B3GAT2: variants seen among roughly 807,000 people sequenced by gnomAD.
B3GAT2 encodes the protein galactosylgalactosylxylosylprotein 3-beta-glucuronosyltransferase 2.
B3GAT2 carries 26 observed loss-of-function variants against 27.8 expected under a neutral mutation model. The ratio of observed to expected loss-of-function variants is 0.93; its 90% CI spans 0.68 to 1.30. The LOEUF (loss-of-function observed/expected upper bound fraction) is 1.30. Ranked by LOEUF, B3GAT2 falls within the 50% of genes most tolerant of loss-of-function variation. B3GAT2 has a pLI of 0.00. For synonymous variants in B3GAT2, 218 were observed against 195.1 expected, an observed-to-expected ratio of 1.12 and a Z score of -0.98; for missense variants, 458 against 459.0, an observed-to-expected ratio of 1.00 and a Z score of 0.02.
chr6:70,956,206 G>A lies in B3GAT2; in HGVS notation c.224C>T (p.Pro75Leu), dbSNP rs763680241. Reference protein sequence around the residue: ...KRNQSRPQPQPEPQLPTIYAI... With the variant: ...KRNQSRPQPQLEPQLPTIYAI... ...ATAGATGGTGGGCAGCTGCGGCTCC[G>A]GCTGTGGCTGCGGCCGAGACTGGTT... Residue 75 changes from proline (P) to leucine (L), a missense_variant, in exon 1 of 4, where the codon CCG becomes CTG. Coordinates refer to ENST00000230053, the MANE Select transcript of B3GAT2 (RefSeq NM_080742.3). 2 of 1,612,134 alleles carry A rather than the reference G, an allele frequency of 1.2e-6. No homozygotes were observed. The highest frequency in any genetic ancestry group is 1.3e-5 in the African/African-American group (1 of 74,888).
intron 1 of B3GAT2, among the ~76,000 whole-genome samples, chr6:70,924,613 T>A (rs887650142): frequency 1.3e-5 from 2 of 152,116 alleles, no homozygotes; most frequent in Non-Finnish European, 2.9e-5. Context: ...GCAACCACCC[T>A]TGCAAAACTT....
rs112339171 is a variant in B3GAT2 at position 70,911,035 on chromosome 6, T to C, written c.592-16763A>G. On this transcript the variant is annotated intron_variant, in intron 1 of 3. Transcript: ENST00000230053. ...TTAAAAATTTTTTTTTCTTGTAAAC[T>C]TGTTTAAGTTCCTTATAGATTCTGG... is the stretch of plus-strand genomic sequence containing the variant. Among the ~76,000 whole-genome samples the C allele has an allele frequency of 9.3e-3, 1,418 of 152,268 alleles. 11 individuals carry two copies. The highest frequency in any genetic ancestry group is 0.048 in the Middle Eastern group (14 of 294).
At chr6:70,936,451 T>G (rs1413798717) in intron 1 of B3GAT2, among the ~76,000 whole-genome samples, 4 of 151,282 alleles carry the variant, frequency 2.6e-5, no homozygotes, top group Non-Finnish European at 5.9e-5. Flanking sequence ...AGAAAATACA[T>G]TTTTTTCAGC....
rs746065685 is a variant in B3GAT2, at chr6:70,857,902, A to ATTTTC, written c.*3756_*3760dup. The ATTTTC allele has an allele frequency of 9.3e-6, 15 of 1,610,366 alleles. No individual in the cohort carries two copies. In the Admixed American group the frequency reaches 1.0e-4, roughly 11 times the overall value. On this transcript the variant is annotated 3_prime_UTR_variant, in exon 4 of 4. Transcript: ENST00000230053. ...ACACGTGATAGCTCTGTCTTCATTC[A>ATTTTC]TTTTCTTTTTGTGGTGCAGGTGTAT...
At position 70,860,350 on chromosome 6, in the gene B3GAT2, T is replaced by G; in HGVS notation, c.*1313A>C. The stretch of plus-strand genomic sequence containing the variant: ...GTGGAAATGAAAACTGCAATACAAG[T>G]TTCATCCAGAACTACCACCTGACAT... On this transcript the variant is annotated 3_prime_UTR_variant, in exon 4 of 4. Transcript: ENST00000230053. The G allele has an allele frequency of 1.3e-6, 2 of 1,599,276 alleles. No individual in the cohort carries two copies. The highest frequency in any genetic ancestry group is 1.7e-6 in the Non-Finnish European group (2 of 1,173,498).
At position 70,956,531 on chromosome 6, in the gene B3GAT2, G is replaced by A; in HGVS notation, c.-102C>T. ...GCGGCGCCAGCACTTAGGGAGTGGT[G>A]ATGGGTGCGCTGTCCATGGGGCCGA... On this transcript the variant is annotated 5_prime_UTR_variant, in exon 1 of 4. Transcript: ENST00000230053. 6.6e-7 allele frequency: 1 copy of A among 1,520,890 alleles called. No individual in the cohort carries two copies. Among genetic ancestry groups the A allele is most frequent in the East Asian group, 2.4e-5 (1 of 40,824 alleles). 94.2% of individuals were successfully genotyped at this position (1,520,890 alleles called of 1,614,324 possible).
At chr6:70,906,015 G>A (rs1336239582) in intron 1 of B3GAT2, among the ~76,000 whole-genome samples, 2 of 151,922 alleles carry the variant, frequency 1.3e-5, no homozygotes, top group African/African-American at 4.8e-5. Context: ...CTACAGGAAT[G>A]GTTGCCTTGG....
At chr6:70,890,697 G>A (rs2150030241) in intron 2 of B3GAT2, among the ~76,000 whole-genome samples, 1 of 152,320 alleles carries the variant, frequency 6.6e-6, no homozygotes, top group East Asian at 1.9e-4. Flanking sequence ...TGTGAAATAA[G>A]GGCAGTCTTG....
chr6:70,946,319 C>CT (rs1765482869), intron 1 of B3GAT2, among the ~76,000 whole-genome samples: 1 of 152,024 alleles, frequency 6.6e-6, no homozygotes, highest in South Asian at 2.1e-4. Flanking sequence ...CATCAGTGTG[C>CT]TGTATTCAGG....
Position 70,858,501 on chromosome 6 carries a change from C to T in B3GAT2, c.*3162G>A. The T allele has an allele frequency of 3.6e-6, 1 of 280,510 alleles. No homozygotes were observed. Among genetic ancestry groups the T allele is most frequent in the Non-Finnish European group, 6.6e-6 (1 of 150,612 alleles). 17.4% of individuals were successfully genotyped at this position (280,510 alleles called of 1,614,324 possible). A position where few individuals can be genotyped will look rare whatever the true frequency, so the allele number is the denominator to read the frequency against. The stretch of plus-strand genomic sequence containing the variant: ...AATTGTAATGTAACTGTAACGTGAA[C>T]ACCACTAATGGCCAGAAATTATCTC... On this transcript the variant is annotated 3_prime_UTR_variant, in exon 4 of 4. Transcript: ENST00000230053.
At chr6:70,882,876 T>G (rs1440394141) in intron 2 of B3GAT2, among the ~76,000 whole-genome samples, 1 of 152,084 alleles carries the variant, frequency 6.6e-6, no homozygotes, top group Non-Finnish European at 1.5e-5. Context: ...TGTGAGAAAA[T>G]CCATTTCTGT....
Position 70,870,768 on chromosome 6 carries a change from A to G in B3GAT2, c.737-8790T>C, listed in dbSNP as rs1413646353. On this transcript the variant is annotated intron_variant, in intron 2 of 3. Coordinates refer to ENST00000230053, the MANE Select transcript of B3GAT2 (RefSeq NM_080742.3). ...ACAATCTGGATGCCTTTTATAAGCT[A>G]TAGTGCAATGGTGTATACAAATGGG... Among the ~76,000 whole-genome samples, 6 of 152,276 alleles carry G rather than the reference A, an allele frequency of 3.9e-5. No homozygotes were observed. In the East Asian group the frequency reaches 7.7e-4, roughly 20 times the overall value.
chr6:70,857,063 T>C lies in B3GAT2; in HGVS notation c.*4600A>G. On this transcript the variant is annotated 3_prime_UTR_variant, in exon 4 of 4. Coordinates refer to ENST00000230053, the MANE Select transcript of B3GAT2 (RefSeq NM_080742.3). ...ATTTTGATATCTGCTTTCAGTGACA[T>C]TACTAGAAGTACATCCTTTGTAATT... The C allele has an allele frequency of 6.4e-7, 1 of 1,558,780 alleles. No individual in the cohort carries two copies. The highest frequency in any genetic ancestry group is 8.7e-7 in the Non-Finnish European group (1 of 1,148,670).
In B3GAT2 at chr6:70,861,763, A is replaced by AAAT. The variant is rs1771741933; in HGVS notation, c.886-17_886-15dup. On this transcript the variant is annotated splice_polypyrimidine_tract_variant and intron_variant, in intron 3 of 3. Transcript: ENST00000230053. ...CCACACGAGAACCTGAAGGGGAAGG[A>AAAT]AATAGCTTGGGTAGCGCACTCTTCA... is the stretch of plus-strand genomic sequence containing the variant. 1.9e-6 allele frequency: 3 copies of AAAT among 1,614,030 alleles called. No homozygotes were observed. In the East Asian group the frequency reaches 6.7e-5, roughly 36 times the overall value.
chr6:70,886,585 G>C (rs1772190960), intron 2 of B3GAT2, among the ~76,000 whole-genome samples: 1 of 151,970 alleles, frequency 6.6e-6, no homozygotes. Flanking sequence ...CTTCAGCCCT[G>C]AAAGGCCTCT....
chr6:70,856,846 G>A lies in B3GAT2; in HGVS notation c.*4817C>T. On this transcript the variant is annotated 3_prime_UTR_variant, in exon 4 of 4. Coordinates refer to ENST00000230053, the MANE Select transcript of B3GAT2 (RefSeq NM_080742.3). ...ATGCAGAATTTGATAGCTTATTTTG[G>A]TGTTTGTCTCAGGGGACACCCTCTG... 2 of 1,583,752 alleles carry A rather than the reference G, an allele frequency of 1.3e-6. No individual in the cohort carries two copies. The highest frequency in any genetic ancestry group is 1.7e-4 in the Middle Eastern group (1 of 5,906).
intron 2 of B3GAT2, among the ~76,000 whole-genome samples, chr6:70,880,395 G>A (rs977142824): frequency 2.0e-5 from 3 of 152,178 alleles, no homozygotes; most frequent in African/African-American, 7.2e-5. Context: ...GAGAGGCTAA[G>A]TAACTTGCTT....
chr6:70,920,711 T>A (rs556192156), intron 1 of B3GAT2, among the ~76,000 whole-genome samples: 1 of 152,236 alleles, frequency 6.6e-6, no homozygotes, highest in Non-Finnish European at 1.5e-5. Context: ...CTTGATAGCG[T>A]AATTGCTTTA....
Position 70,857,591 on chromosome 6 carries a change from G to C in B3GAT2, c.*4072C>G, listed in dbSNP as rs1771484698. On this transcript the variant is annotated 3_prime_UTR_variant, in exon 4 of 4. Transcript: ENST00000230053. The stretch of plus-strand genomic sequence containing the variant: ...CTCTCACTTCCCTGTTTCGTACTGG[G>C]GGACCAGTGGTACAAATCAGCAATA... The C allele has an allele frequency of 3.8e-6, 1 of 262,888 alleles. No individual in the cohort carries two copies. The highest frequency in any genetic ancestry group is 2.2e-5 in the African/African-American group (1 of 44,734). The allele number at this position is 262,888 out of a possible 1,614,324, so 16.3% of individuals were successfully genotyped here.
Sources: allele counts gnomAD v4.1 joint callset (sites outside exome capture counted in the v4.1 genomes callset), GRCh38; gene constraint gnomAD v4.1.1; transcripts MANE v1.5; gene names NCBI Gene and HGNC (gene_info 2026-07-23, HGNC 2026-07-21).